The following C7 variants were observed in gnomAD, a reference collection of about 807,000 sequenced individuals.
C7 encodes complement component C7.
Under a neutral mutation model 104.8 loss-of-function variants are expected in C7, and 83 were observed. The ratio of observed to expected loss-of-function variants is 0.79; its 90% CI spans 0.66 to 0.95. C7 has a LOEUF of 0.95. Ranked by LOEUF, C7 falls within the 40% of genes least tolerant of loss-of-function variation. The pLI, the probability that C7 is intolerant of heterozygous loss-of-function variation, is 0.00. For missense variants in C7, 1,070 were observed against 1,011.2 expected (o/e 1.06, Z -0.79); for synonymous variants, 415 against 360.6 (o/e 1.15, Z -1.71).
intron 7 of C7, 95 bp downstream of exon 7, chr5:40,945,463 A>T: frequency 1.2e-6 from 1 of 806,900 alleles, no homozygotes; most frequent in Non-Finnish European, 1.9e-6. Flanking sequence ...ATCAGCTTTC[A>T]TATTAAAATT....
intron 3 of C7, among the ~76,000 whole-genome samples, chr5:40,931,390 T>C (rs1272170723): frequency 6.6e-6 from 1 of 152,206 alleles, no homozygotes; most frequent in African/African-American, 2.4e-5. Flanking sequence ...GAAATGTATA[T>C]AGGCTAAAAG....
In C7 at chr5:40,974,050, T is replaced by A. The variant is rs769138587; in HGVS notation, c.2074+1456T>A. Among the ~76,000 whole-genome samples the A allele has an allele frequency of 9.1e-4, 138 of 152,226 alleles. 2 individuals are homozygous for A. Among genetic ancestry groups the A allele is most frequent in the Non-Finnish European group, 1.8e-3 (125 of 68,046 alleles). ...TGTTCTAGTATTTAGTCTTTTTTTT[T>A]ATTATAATAAAGCATACATAACATA... On this transcript the variant is annotated intron_variant, in intron 15 of 17. Coordinates refer to ENST00000313164, the MANE Select transcript of C7 (RefSeq NM_000587.4).
chr5:40,976,712 T>G (rs1740826419), intron 15 of C7, 38 bp from the exon 16 acceptor site: 3 of 1,468,264 alleles, frequency 2.0e-6, no homozygotes, highest in Non-Finnish European at 2.8e-6. Flanking sequence ...TGAAGAGGCT[T>G]TTCTCCTAAC....
chr5:40,981,330 A>C (rs1215216979), intron 17 of C7, 62 bp from the exon 18 acceptor site: 2 of 1,448,518 alleles, frequency 1.4e-6, no homozygotes, highest in Admixed American at 3.9e-5. Context: ...TTTGGAGGTG[A>C]TGTTCTTTGA....
chr5:40,958,264 C>T lies in C7; in HGVS notation c.1489+3C>T. The T allele has an allele frequency of 6.3e-7, 1 of 1,578,438 alleles. No homozygotes were observed. The highest frequency in any genetic ancestry group is 1.2e-5 in the South Asian group (1 of 84,674). On this transcript the variant is annotated splice_donor_region_variant and intron_variant, in intron 11 of 17. Coordinates refer to ENST00000313164, the MANE Select transcript of C7 (RefSeq NM_000587.4). ...AGTCCTCGTAGGGAATCAAGCAGGT[C>T]AGTGGGGTGAATTTTCTCTAGCCAC...
At position 40,959,484 on chromosome 5, in the gene C7, T is replaced by G. The variant is rs1383866864; in HGVS notation, c.1525T>G (p.Trp509Gly). Residue 509 changes from tryptophan to glycine, a missense_variant, in exon 12 of 18, where the codon TGG (tryptophan) becomes GGG (glycine). Coordinates refer to ENST00000313164, the MANE Select transcript of C7 (RefSeq NM_000587.4). ...VDGGWSCWSSWSPCVQGKKTR... is the reference protein window; with the variant it reads ...VDGGWSCWSSGSPCVQGKKTR... ...TGGAGGTTGGAGTTGCTGGTCCTCT[T>G]GGAGCCCCTGTGTCCAAGGGAAGAA... 2 of 1,611,324 alleles carry G rather than the reference T, an allele frequency of 1.2e-6. No homozygotes were observed. The highest frequency in any genetic ancestry group is 2.2e-5 in the South Asian group (2 of 90,692).
chr5:40,922,825 A>G (rs539996260), intron 1 of C7, among the ~76,000 whole-genome samples: 2 of 152,344 alleles, frequency 1.3e-5, no homozygotes, highest in South Asian at 4.1e-4. Flanking sequence ...TACAAAAATA[A>G]CTCAAAATGA....
intron 17 of C7, 112 bp from the exon 18 acceptor site, chr5:40,981,280 C>A: frequency 2.0e-6 from 2 of 1,022,966 alleles, no homozygotes; most frequent in Non-Finnish European, 1.5e-6. Context: ...TATGTCATTC[C>A]AGGCAGGAGC....
At chr5:40,941,770 A>G (rs1484448786) in intron 6 of C7, among the ~76,000 whole-genome samples, 1 of 152,122 alleles carries the variant, frequency 6.6e-6, no homozygotes. Context: ...ATGGGTAAAG[A>G]CCCATTTGCA....
chr5:40,926,867 A>G (rs1228588684), intron 1 of C7, among the ~76,000 whole-genome samples: 2 of 151,552 alleles, frequency 1.3e-5, no homozygotes. Context: ...TCAAAATTCT[A>G]ACATCATTTT....
intron 10 of C7, among the ~76,000 whole-genome samples, chr5:40,956,645 A>G (rs1318247070): frequency 1.3e-5 from 2 of 152,262 alleles, no homozygotes; most frequent in African/African-American, 4.8e-5. Context: ...CGATTCTATG[A>G]TTTATTCCCT....
intron 6 of C7, among the ~76,000 whole-genome samples, chr5:40,944,356 T>A (rs1033196775): frequency 5.3e-5 from 8 of 152,214 alleles, no homozygotes; most frequent in African/African-American, 1.9e-4. Flanking sequence ...GTCAAATTTA[T>A]CCCTTGGAAA....
At chr5:40,933,611 T>G (rs1739742405) in intron 3 of C7, among the ~76,000 whole-genome samples, 1 of 152,206 alleles carries the variant, frequency 6.6e-6, no homozygotes, top group African/African-American at 2.4e-5. Context: ...TAGCTTCACC[T>G]TTGGATTACT....
In C7 at chr5:40,984,407, G is replaced by T. The variant is rs1561264884; in HGVS notation, c.*2834G>T. Among the ~76,000 whole-genome samples the T allele has an allele frequency of 6.6e-6, 1 of 152,148 alleles. No homozygotes were observed. The highest frequency in any genetic ancestry group is 6.5e-5 in the Admixed American group (1 of 15,270). On this transcript the variant is annotated 3_prime_UTR_variant, in exon 18 of 18. Coordinates refer to ENST00000313164, the MANE Select transcript of C7 (RefSeq NM_000587.4). ...AATCTGATTGAGGGTTGCCCTCTTTGCTGGGCAGATCATGGCTAATCTCAG... is the reference window on the plus strand; with the variant it reads ...AATCTGATTGAGGGTTGCCCTCTTTTCTGGGCAGATCATGGCTAATCTCAG...
intron 12 of C7, 46 bp downstream of exon 12, chr5:40,959,666 C>G (rs532946802): frequency 1.2e-5 from 17 of 1,417,030 alleles, no homozygotes; most frequent in Non-Finnish European, 1.4e-5. Context: ...ACACAGTACC[C>G]TCTGCAGTTA....
chr5:40,930,920 A>G (rs965432420), intron 2 of C7, 144 bp from the exon 3 acceptor site: 1 of 661,900 alleles, frequency 1.5e-6, no homozygotes, highest in Non-Finnish European at 2.7e-6. Context: ...CTCCATTTTT[A>G]TATATTTTAG....
intron 9 of C7, among the ~76,000 whole-genome samples, chr5:40,951,436 G>T (rs1001514951): frequency 1.3e-5 from 2 of 152,062 alleles, no homozygotes; most frequent in African/African-American, 4.8e-5. Flanking sequence ...ACATAAAAAT[G>T]GCAAAAATAG....
chr5:40,976,584 T>C (rs1740824471), intron 15 of C7, 166 bp from the exon 16 acceptor site: 2 of 479,116 alleles, frequency 4.2e-6, no homozygotes, highest in Non-Finnish European at 7.4e-6. Flanking sequence ...AAACTCTCTA[T>C]AGCTTGTAAA....
chr5:40,942,189 C>T (rs1374478499), intron 6 of C7, among the ~76,000 whole-genome samples: 1 of 151,988 alleles, frequency 6.6e-6, no homozygotes, highest in Non-Finnish European at 1.5e-5. Context: ...ATAGTCAACT[C>T]ATTTAAGGTG....
Sources: gnomAD v4.1 joint callset for allele counts (sites outside exome capture counted in the v4.1 genomes callset) on GRCh38, gnomAD v4.1.1 for gene constraint, MANE v1.5 for transcripts, NCBI Gene and HGNC (gene_info 2026-07-23, HGNC 2026-07-21) for gene names.